Variants in PCDH15 observed in about 807,000 individuals in gnomAD.
PCDH15 encodes protocadherin related 15.
In PCDH15, 129 loss-of-function variants were observed where a neutral mutation model predicts 178.5. The ratio of observed to expected loss-of-function variants is 0.72; its 90% CI spans 0.63 to 0.84. The LOEUF (loss-of-function observed/expected upper bound fraction) is 0.84. PCDH15 is among the 40% of genes least tolerant of loss of function. PCDH15 has a pLI of 0.00. For missense variants in PCDH15, 2,230 were observed against 2,099.9 expected (o/e 1.06, Z -1.21); for synonymous variants, 800 against 732.0 (o/e 1.09, Z -1.50).
At chr10:54,594,701 T>C (rs117146140) in intron 2 of PCDH15, among the ~76,000 whole-genome samples, 2,584 of 152,298 alleles carry the variant, frequency 0.017, 30 homozygotes, top group Middle Eastern at 0.037. Flanking sequence ...AGCCTTTCCT[T>C]CTCTGACAGT....
chr10:55,135,565 CT>C (rs1838169158), intron 2 of PCDH15, among the ~76,000 whole-genome samples: 1 of 113,404 alleles, frequency 8.8e-6, no homozygotes, highest in Non-Finnish European at 1.8e-5. Context: ...AAAGCTTTTT[CT>C]TTTCTTTCTT....
At position 53,960,187 on chromosome 10, in the gene PCDH15, A is replaced by G. The variant is rs2446610; in HGVS notation, c.3010-343T>C. On this transcript the variant is annotated intron_variant, in intron 22 of 37. Coordinates refer to ENST00000644397, the MANE Select transcript of PCDH15 (RefSeq NM_001384140.1). ...AGACTCATTTCTATAATTCCACTGA[A>G]GCCCACAGTAAATACACATGATTTT... 0.72 allele frequency among the ~76,000 whole-genome samples: 108,785 copies of G among 151,674 alleles called. 39,295 individuals carry two copies. The highest frequency in any genetic ancestry group is 0.87 in the East Asian group (4,482 of 5,164).
chr10:54,773,930 T>C (rs1407785669), intron 1 of PCDH15, among the ~76,000 whole-genome samples: 1 of 150,344 alleles, frequency 6.7e-6, no homozygotes, highest in African/African-American at 2.4e-5. Flanking sequence ...TTCTTATCTC[T>C]GACAATCTGT....
intron 3 of PCDH15, among the ~76,000 whole-genome samples, chr10:54,848,260 G>T (rs1369690600): frequency 6.6e-6 from 1 of 151,846 alleles, no homozygotes; most frequent in Non-Finnish European, 1.5e-5. Context: ...GCAGACGCCT[G>T]TAATCCCAGC....
chr10:55,161,127 C>T (rs936724335), intron 2 of PCDH15, among the ~76,000 whole-genome samples: 2 of 152,108 alleles, frequency 1.3e-5, no homozygotes, highest in Non-Finnish European at 2.9e-5. Flanking sequence ...CATAGTCATA[C>T]AGTATATACC....
intron 2 of PCDH15, among the ~76,000 whole-genome samples, chr10:55,365,308 G>A (rs892330928): frequency 2.0e-5 from 3 of 152,126 alleles, no homozygotes; most frequent in African/African-American, 7.2e-5. Context: ...TTTCTAAAGT[G>A]AAGTTATAAC....
intron 19 of PCDH15, among the ~76,000 whole-genome samples, chr10:54,020,623 G>T (rs922036801): frequency 2.6e-5 from 4 of 151,388 alleles, no homozygotes; most frequent in Admixed American, 2.6e-4. Context: ...AAAGATGGAG[G>T]CAGGGAGGAA....
At chr10:54,805,442 A>G (rs2133722243), upstream of PCDH15, among the ~76,000 whole-genome samples, 1 of 152,246 alleles carries the variant, frequency 6.6e-6, no homozygotes, top group East Asian at 1.9e-4. Context: ...TCACAAAAAG[A>G]CCTTAACCAG....
chr10:55,039,311 T>A (rs964741870), intron 2 of PCDH15, among the ~76,000 whole-genome samples: 1 of 152,116 alleles, frequency 6.6e-6, no homozygotes, highest in East Asian at 1.9e-4. Context: ...AAAAAAGACA[T>A]GAGCAGATAT....
chr10:54,260,295 A>T (rs1232405448), intron 8 of PCDH15, among the ~76,000 whole-genome samples: 1 of 149,946 alleles, frequency 6.7e-6, no homozygotes, highest in East Asian at 2.0e-4. Context: ...TAAATGTTTA[A>T]TTTTTTTTTT....
intron 28 of PCDH15, among the ~76,000 whole-genome samples, chr10:53,846,930 C>T (rs2078015201): frequency 6.6e-6 from 1 of 151,874 alleles, no homozygotes; most frequent in Non-Finnish European, 1.5e-5. Context: ...CAGTTTACTC[C>T]CAAGAAAAGA....
rs566990929 is a variant in PCDH15, at chr10:55,522,623, A to C, written c.-156+105002T>G. 1.5e-4 allele frequency among the ~76,000 whole-genome samples: 23 copies of C among 151,890 alleles called. 1 individual carries two copies. The South Asian group carries it at 4.8e-3, about 31-fold the overall frequency. ...CTAAAAATCTCTTTAGTTTTATATAAGTATAGCCATGACTGCTCTATTTAG... is the reference window on the plus strand; with the variant it reads ...CTAAAAATCTCTTTAGTTTTATATACGTATAGCCATGACTGCTCTATTTAG... On this transcript the variant is annotated intron_variant, in intron 2 of 5. Transcript: ENST00000613346.
chr10:55,448,518 A>T (rs1034561937), intron 2 of PCDH15, among the ~76,000 whole-genome samples: 6 of 151,734 alleles, frequency 4.0e-5, no homozygotes, highest in South Asian at 2.1e-4. Flanking sequence ...CAAAAACACA[A>T]TTTTTTTCAG....
chr10:54,080,047 T>A (rs2094411731), intron 16 of PCDH15, among the ~76,000 whole-genome samples: 2 of 152,228 alleles, frequency 1.3e-5, no homozygotes, highest in South Asian at 4.1e-4. Flanking sequence ...TATGATTGTT[T>A]CAGAAGAGGA....
At chr10:55,238,681 T>C (rs758447875) in intron 1 of PCDH15, among the ~76,000 whole-genome samples, 2 of 152,124 alleles carry the variant, frequency 1.3e-5, no homozygotes, top group Non-Finnish European at 2.9e-5. Flanking sequence ...TTCCATTTTA[T>C]TTTTAAGTTC....
At chr10:54,495,546 G>C (rs1397656259) in intron 3 of PCDH15, among the ~76,000 whole-genome samples, 1 of 152,070 alleles carries the variant, frequency 6.6e-6, no homozygotes, top group Admixed American at 6.6e-5. Flanking sequence ...AAATAAGAGA[G>C]GATATAATTT....
intron 3 of PCDH15, among the ~76,000 whole-genome samples, chr10:54,489,339 C>A (rs2079376876): frequency 1.3e-5 from 2 of 151,894 alleles, no homozygotes; most frequent in South Asian, 2.1e-4. Flanking sequence ...TTTAGTGTGC[C>A]TTTTATACCT....
chr10:54,547,461 T>C (rs1413383824), intron 2 of PCDH15, among the ~76,000 whole-genome samples: 1 of 152,134 alleles, frequency 6.6e-6, no homozygotes, highest in Non-Finnish European at 1.5e-5. Flanking sequence ...AATAAAATCC[T>C]GCCACTATCT....
chr10:55,133,709 C>T (rs888796035), intron 2 of PCDH15, among the ~76,000 whole-genome samples: 5 of 152,116 alleles, frequency 3.3e-5, no homozygotes, highest in African/African-American at 1.2e-4. Context: ...ATCTGATGCC[C>T]TATCTATTTT....
Sources: gnomAD v4.1 joint callset for allele counts (sites outside exome capture counted in the v4.1 genomes callset) on GRCh38, gnomAD v4.1.1 for gene constraint, MANE v1.5 for transcripts, NCBI Gene and HGNC (gene_info 2026-07-23, HGNC 2026-07-21) for gene names.